Variants in PTBP3 observed in about 807,000 individuals in gnomAD.
PTBP3 encodes polypyrimidine tract binding protein 3, also known as polypyrimidine tract-binding protein 3.
Under a neutral mutation model 58.7 loss-of-function variants are expected in PTBP3, and 20 were observed. The observed-to-expected ratio is 0.34, with a 90% CI of 0.24 to 0.50. The LOEUF is 0.50. Among genes scored for constraint, PTBP3 ranks in the 20% least tolerant of loss-of-function variants. PTBP3 has a pLI of 0.98. For missense variants in PTBP3, 509 were observed against 637.2 expected (o/e 0.80, Z 2.17); for synonymous variants, 185 against 219.8 (o/e 0.84, Z 1.40).
intron 4 of PTBP3, among the ~76,000 whole-genome samples, chr9:112,266,324 T>C (rs533682894): frequency 1.3e-5 from 2 of 152,358 alleles, no homozygotes; most frequent in Admixed American, 1.3e-4. Flanking sequence ...GAAATCAGTA[T>C]AAGTATTTTA....
At chr9:112,333,018 C>T in intron 1 of PTBP3, 4 of 1,275,462 alleles carry the variant, frequency 3.1e-6, no homozygotes, top group Non-Finnish European at 3.0e-6. Flanking sequence ...CGGCCGCTCG[C>T]CCCACCTCGC....
upstream of PTBP3, among the ~76,000 whole-genome samples, chr9:112,334,470 A>G (rs1830524781): frequency 6.6e-6 from 1 of 152,184 alleles, no homozygotes. Flanking sequence ...CTGAGCAAAA[A>G]GTATATATAT....
intron 7 of PTBP3, among the ~76,000 whole-genome samples, chr9:112,250,589 C>T (rs1406989541): frequency 6.6e-6 from 1 of 152,028 alleles, no homozygotes; most frequent in Non-Finnish European, 1.5e-5. Flanking sequence ...TTCTCAAGAG[C>T]ATATATGGCA....
intron 3 of PTBP3, among the ~76,000 whole-genome samples, chr9:112,271,732 G>T (rs77006145): frequency 4.6e-4 from 70 of 151,884 alleles, no homozygotes; most frequent in African/African-American, 1.7e-3. Flanking sequence ...GCAAGACTCC[G>T]CTTCAAGAAA....
intron 2 of PTBP3, among the ~76,000 whole-genome samples, chr9:112,279,354 C>T (rs946334189): frequency 3.9e-5 from 6 of 152,158 alleles, no homozygotes; most frequent in African/African-American, 1.4e-4. Context: ...ATGCCCACTA[C>T]ATATCAGTCA....
At chr9:112,303,817 T>C (rs778776862) in intron 1 of PTBP3, among the ~76,000 whole-genome samples, 2 of 148,564 alleles carry the variant, frequency 1.3e-5, no homozygotes, top group African/African-American at 2.5e-5. Context: ...TGAGCCAAGA[T>C]CACACCACTA....
intron 7 of PTBP3, among the ~76,000 whole-genome samples, chr9:112,235,638 G>C (rs1835409532): frequency 6.6e-6 from 1 of 152,128 alleles, no homozygotes; most frequent in African/African-American, 2.4e-5. Flanking sequence ...AAAAGAAATG[G>C]CCAAAAGTGG....
At chr9:112,262,950 C>A (rs1836658970) in intron 4 of PTBP3, among the ~76,000 whole-genome samples, 1 of 152,068 alleles carries the variant, frequency 6.6e-6, no homozygotes, top group East Asian at 1.9e-4. Flanking sequence ...TGTTTACACC[C>A]AAACAAGGGT....
At chr9:112,277,943 TAATATAACATAACATAACATAAC>T (rs1827694091) in intron 2 of PTBP3, among the ~76,000 whole-genome samples, 1 of 105,168 alleles carries the variant, frequency 9.5e-6, no homozygotes, top group South Asian at 2.9e-4. Context: ...TAACATAACA[TAATATAACATAACATAACATAAC>T]ATAACATAAC....
At chr9:112,282,761 G>A (rs1827929309) in intron 2 of PTBP3, among the ~76,000 whole-genome samples, 1 of 151,888 alleles carries the variant, frequency 6.6e-6, no homozygotes, top group Admixed American at 6.6e-5. Context: ...CTGTTTAAAG[G>A]ACTAAACTTA....
At chr9:112,312,159 GA>G (rs1374260987) in intron 1 of PTBP3, among the ~76,000 whole-genome samples, 2 of 151,990 alleles carry the variant, frequency 1.3e-5, no homozygotes, top group South Asian at 2.1e-4. Context: ...CATTGATTAC[GA>G]AAAGAAAATT....
At chr9:112,361,309 G>C in the PTBP3 span, among the ~76,000 whole-genome samples, 2 of 151,982 alleles carry the variant, frequency 1.3e-5, no homozygotes, top group Non-Finnish European at 2.9e-5. Context: ...ATGTTGGTCA[G>C]GCTGGTCTTG....
intron 12 of PTBP3, among the ~76,000 whole-genome samples, chr9:112,226,426 T>C (rs897409060): frequency 2.6e-5 from 4 of 152,164 alleles, no homozygotes; most frequent in African/African-American, 4.8e-5. Flanking sequence ...TTTACACACA[T>C]ACACACACAT....
At chr9:112,333,753 G>C (rs1404069319), upstream of PTBP3, 1 of 308,942 alleles carries the variant, frequency 3.2e-6, no homozygotes, top group African/African-American at 2.4e-5. Flanking sequence ...CCGCCCCTGC[G>C]CTCGCGCCCA....
At chr9:112,237,812 C>T (rs1335488857) in intron 7 of PTBP3, among the ~76,000 whole-genome samples, 2 of 152,148 alleles carry the variant, frequency 1.3e-5, no homozygotes, top group Non-Finnish European at 2.9e-5. Flanking sequence ...TTCCTCCCAT[C>T]TTCAAAAGAC....
intron 7 of PTBP3, among the ~76,000 whole-genome samples, chr9:112,245,706 C>G (rs937915756): frequency 6.6e-6 from 1 of 152,064 alleles, no homozygotes; most frequent in Non-Finnish European, 1.5e-5. Flanking sequence ...TAAAGAAGAT[C>G]TGGAATATCT....
chr9:112,333,134 G>C (rs1357116890), intron 1 of PTBP3: 1 of 1,250,306 alleles, frequency 8.0e-7, no homozygotes, highest in African/African-American at 1.6e-5. Context: ...GGGAGGCCGA[G>C]CTGGGCTCCC....
At chr9:112,357,005 G>A in the PTBP3 span, among the ~76,000 whole-genome samples, 241 of 145,766 alleles carry the variant, frequency 1.7e-3, 1 homozygote, top group African/African-American at 5.5e-3. Context: ...TCAGTCTCCC[G>A]AGTAACTGGG....
At chr9:112,366,281 C>CAAA in the PTBP3 span, among the ~76,000 whole-genome samples, 6 of 147,744 alleles carry the variant, frequency 4.1e-5, no homozygotes, top group Admixed American at 3.4e-4. Context: ...GACTCTGTCT[C>CAAA]AAAAAAAAAA....
Sources: allele counts gnomAD v4.1 joint callset (sites outside exome capture counted in the v4.1 genomes callset), GRCh38; gene constraint gnomAD v4.1.1; transcripts MANE v1.5; gene names NCBI Gene and HGNC (gene_info 2026-07-23, HGNC 2026-07-21).